The following MYO3B variants were observed in gnomAD, a reference collection of about 807,000 sequenced individuals.
MYO3B encodes the protein myosin IIIB.
A neutral mutation model predicts 174.6 loss-of-function variants in MYO3B; 156 were observed. The ratio of observed to expected loss-of-function variants is 0.89; its 90% CI spans 0.78 to 1.02. The LOEUF (loss-of-function observed/expected upper bound fraction) is 1.02, where lower values mean the gene tolerates loss of function less well. Among genes scored for constraint, MYO3B ranks in the 50% least tolerant of loss-of-function variants. The pLI is 0.00. For synonymous variants in MYO3B, 563 were observed against 569.1 expected (o/e 0.99, Z 0.15); for missense variants, 1,632 against 1,639.4 (o/e 1.00, Z 0.08).
In MYO3B at chr2:170,483,437, A is replaced by C. The variant is rs1468451024; in HGVS notation, c.3015-15155A>C. Among the ~76,000 whole-genome samples the C allele has an allele frequency of 1.8e-5, 2 of 108,786 alleles. 1 individual carries two copies. The highest frequency in any genetic ancestry group is 2.7e-4 in the Admixed American group (2 of 7,390). 71.4% of individuals were successfully genotyped at this position (108,786 alleles called of 152,430 possible). A position where few individuals can be genotyped will look rare whatever the true frequency, so the allele number is the denominator to read the frequency against. On this transcript the variant is annotated intron_variant, in intron 25 of 34. Coordinates refer to ENST00000408978, the MANE Select transcript of MYO3B (RefSeq NM_138995.5). ...AGTCTAGCTCTGTCGCCCAGGCTGG[A>C]GTGCAGTGGCGCGATCTCGGCTCAC...
intron 23 of MYO3B, among the ~76,000 whole-genome samples, chr2:170,451,978 C>T (rs574839240): frequency 3.3e-5 from 5 of 152,258 alleles, no homozygotes; most frequent in South Asian, 2.1e-4. Flanking sequence ...CAAAGCCAAT[C>T]GGCCCATTTT....
At chr2:170,225,221 G>A (rs1185633588) in intron 6 of MYO3B, among the ~76,000 whole-genome samples, 2 of 152,236 alleles carry the variant, frequency 1.3e-5, no homozygotes, top group Non-Finnish European at 2.9e-5. Flanking sequence ...CAAAAAGGGG[G>A]TGCTATTGCT....
intron 30 of MYO3B, 45 bp downstream of exon 30, chr2:170,519,585 T>C: frequency 1.4e-6 from 2 of 1,389,380 alleles, no homozygotes; most frequent in South Asian, 1.2e-5. Context: ...ACTCAGGTGC[T>C]CCATTCTAAT....
At chr2:170,598,260 A>T (rs1187159426) in intron 32 of MYO3B, among the ~76,000 whole-genome samples, 1 of 152,328 alleles carries the variant, frequency 6.6e-6, no homozygotes, top group East Asian at 1.9e-4. Flanking sequence ...GGTTCTGTTT[A>T]GAGGCATAAA....
At chr2:170,335,234 A>G in intron 7 of MYO3B, 151 bp from the exon 8 acceptor site, 1 of 646,288 alleles carries the variant, frequency 1.5e-6, no homozygotes, top group Non-Finnish European at 2.7e-6. Context: ...AAGGGTTGGC[A>G]CTTTATAATC....
chr2:170,570,033 T>C (rs1409212351), intron 32 of MYO3B, among the ~76,000 whole-genome samples: 1 of 152,152 alleles, frequency 6.6e-6, no homozygotes, highest in Non-Finnish European at 1.5e-5. Flanking sequence ...TGAGCATATT[T>C]CACCTACCTA....
intron 32 of MYO3B, among the ~76,000 whole-genome samples, chr2:170,567,293 TAATGA>T (rs1692130069): frequency 6.6e-6 from 1 of 152,194 alleles, no homozygotes; most frequent in Non-Finnish European, 1.5e-5. Flanking sequence ...AGATGAGTAT[TAATGA>T]AATGAATAAG....
intron 7 of MYO3B, among the ~76,000 whole-genome samples, chr2:170,283,118 G>T (rs907392477): frequency 6.6e-6 from 1 of 152,110 alleles, no homozygotes; most frequent in African/African-American, 2.4e-5. Flanking sequence ...CTGTGCTGCC[G>T]CTGCCTGGAA....
intron 7 of MYO3B, among the ~76,000 whole-genome samples, chr2:170,310,665 C>CAAAAAAAAAAAAAAAA (rs746315736): frequency 1.6e-5 from 1 of 61,458 alleles, no homozygotes; most frequent in African/African-American, 7.9e-5. Context: ...GACTCCATCT[C>CAAAAAAAAAAAAAAAA]AAAAAAAAAA....
chr2:170,374,768 C>CAT (rs1245407107), intron 9 of MYO3B, among the ~76,000 whole-genome samples: 62 of 150,272 alleles, frequency 4.1e-4, no homozygotes, highest in Middle Eastern at 3.4e-3. Context: ...TACACACACA[C>CAT]ACACACACAC....
In MYO3B at chr2:170,501,833, G is replaced by A. The variant is rs1028438405; in HGVS notation, c.3338G>A (p.Arg1113Lys). 1.8e-5 allele frequency: 29 copies of A among 1,612,820 alleles called. No individual in the cohort carries two copies. Among genetic ancestry groups the A allele is most frequent in the Non-Finnish European group, 2.4e-5 (28 of 1,179,002 alleles). ...ARRKFKKISN[R>K]RNESAAHNQA... Reference sequence around the variant, plus strand: ...AGGAAATTTAAGAAAATAAGCAACAGAAGGAATGAGTCTGCTGCTCATAAT... The same window carrying A: ...AGGAAATTTAAGAAAATAAGCAACAAAAGGAATGAGTCTGCTGCTCATAAT... Residue 1113 changes from arginine to lysine, a missense_variant, in exon 28 of 35, where the codon AGA (arginine) becomes AAA (lysine). Physicochemically the swap from Arg to Lys is conservative, Grantham distance 26. Coordinates refer to ENST00000408978, the MANE Select transcript of MYO3B (RefSeq NM_138995.5).
chr2:170,409,205 T>A (rs977952493), intron 22 of MYO3B, among the ~76,000 whole-genome samples: 1 of 152,170 alleles, frequency 6.6e-6, no homozygotes, highest in African/African-American at 2.4e-5. Context: ...TTTGGCAAAA[T>A]AAAAACCATT....
chr2:170,258,917 C>T (rs757457748), intron 7 of MYO3B, among the ~76,000 whole-genome samples: 3 of 152,106 alleles, frequency 2.0e-5, no homozygotes, highest in East Asian at 1.9e-4. Flanking sequence ...TTTCTATACA[C>T]CAGTCTTGTT....
At chr2:170,236,895 C>G (rs1320999322) in intron 7 of MYO3B, among the ~76,000 whole-genome samples, 1 of 152,220 alleles carries the variant, frequency 6.6e-6, no homozygotes. Context: ...CTTAACAATA[C>G]AAATGTTGAC....
chr2:170,341,697 A>G (rs926489995), intron 8 of MYO3B, among the ~76,000 whole-genome samples: 1 of 152,158 alleles, frequency 6.6e-6, no homozygotes, highest in Non-Finnish European at 1.5e-5. Context: ...CTTAACATAC[A>G]TTGATCAATA....
intron 32 of MYO3B, among the ~76,000 whole-genome samples, chr2:170,624,213 T>G (rs570268164): frequency 2.0e-5 from 3 of 152,370 alleles, no homozygotes; most frequent in East Asian, 3.8e-4. Flanking sequence ...GAGCATGGAA[T>G]GTTCTTCCAT....
intron 7 of MYO3B, among the ~76,000 whole-genome samples, chr2:170,292,956 A>G (rs1417599884): frequency 6.6e-6 from 1 of 152,062 alleles, no homozygotes. Flanking sequence ...AAGCTGATTT[A>G]CCACCTCAAT....
intron 22 of MYO3B, among the ~76,000 whole-genome samples, chr2:170,442,406 T>A (rs1044196727): frequency 6.6e-6 from 1 of 152,280 alleles, no homozygotes; most frequent in Admixed American, 6.5e-5. Context: ...TATTTGCCCT[T>A]TGAGTATCTT....
At chr2:170,283,703 T>C (rs72889424) in intron 7 of MYO3B, among the ~76,000 whole-genome samples, 264 of 152,264 alleles carry the variant, frequency 1.7e-3, no homozygotes, top group Non-Finnish European at 2.7e-3. Flanking sequence ...ATTGGAAGAT[T>C]CTGGTCAGTT....
Sources: gnomAD v4.1 joint callset for allele counts (sites outside exome capture counted in the v4.1 genomes callset) on GRCh38, gnomAD v4.1.1 for gene constraint, MANE v1.5 for transcripts, NCBI Gene and HGNC (gene_info 2026-07-23, HGNC 2026-07-21) for gene names.